SPATA17: variants seen among roughly 807,000 people sequenced by gnomAD.
SPATA17 encodes spermatogenesis associated 17.
SPATA17 carries 53 observed loss-of-function variants against 62.2 expected under a neutral mutation model. The observed-to-expected ratio is 0.85, with a 90% CI of 0.68 to 1.07. The LOEUF (loss-of-function observed/expected upper bound fraction) is 1.07. Among genes scored for constraint, SPATA17 ranks in the 50% least tolerant of loss-of-function variants. The pLI is 0.00. For synonymous variants in SPATA17, 146 were observed against 146.8 expected (o/e 0.99, Z 0.04); for missense variants, 466 against 425.5 (o/e 1.10, Z -0.84).
chr1:217,687,649 G>C (rs1309897336), intron 5 of SPATA17, among the ~76,000 whole-genome samples: 1 of 152,156 alleles, frequency 6.6e-6, no homozygotes, highest in African/African-American at 2.4e-5. Flanking sequence ...GCTATACCTA[G>C]GTGTGTAGTA....
chr1:217,802,325 T>A (rs549391489), intron 9 of SPATA17, among the ~76,000 whole-genome samples: 3 of 152,336 alleles, frequency 2.0e-5, no homozygotes, highest in Admixed American at 2.0e-4. Context: ...GTGCAACTCC[T>A]GAGTGTCATA....
intron 5 of SPATA17, among the ~76,000 whole-genome samples, chr1:217,703,135 A>G (rs1180036057): frequency 2.0e-5 from 3 of 149,494 alleles, no homozygotes; most frequent in Non-Finnish European, 4.4e-5. Flanking sequence ...TCAGCCTCCC[A>G]AAGTGCTGGG....
intron 9 of SPATA17, among the ~76,000 whole-genome samples, chr1:217,824,565 A>C (rs921240053): frequency 9.9e-5 from 15 of 151,160 alleles, no homozygotes; most frequent in Admixed American, 3.3e-4. Context: ...GGTTTTCTCT[A>C]TACTGTTATT....
At chr1:217,716,156 T>C (rs982938506) in intron 5 of SPATA17, among the ~76,000 whole-genome samples, 7 of 152,156 alleles carry the variant, frequency 4.6e-5, no homozygotes, top group East Asian at 3.8e-4. Flanking sequence ...CTAAAAAAAA[T>C]TGAGATCACT....
At chr1:217,759,704 T>A (rs4276984) in intron 6 of SPATA17, among the ~76,000 whole-genome samples, 73,969 of 151,996 alleles carry the variant, frequency 0.49, 19,244 homozygotes, top group Non-Finnish European at 0.59. Flanking sequence ...CCACAGGGCA[T>A]GGTTGAAAAT....
intron 1 of SPATA17, 109 bp from the exon 2 acceptor site, chr1:217,648,773 A>G: frequency 3.6e-6 from 2 of 558,812 alleles, no homozygotes; most frequent in Non-Finnish European, 6.1e-6. Context: ...ATGACATTTG[A>G]ATTTATAATT....
At chr1:217,749,985 C>CTCTCTCTCTCTA in intron 6 of SPATA17, among the ~76,000 whole-genome samples, 12 of 12,314 alleles carry the variant, frequency 9.7e-4, no homozygotes, top group Admixed American at 2.9e-3. Flanking sequence ...CTCTCTCTCT[C>CTCTCTCTCTCTA]TATATATATA....
At chr1:217,708,628 A>G (rs1671791096) in intron 5 of SPATA17, among the ~76,000 whole-genome samples, 1 of 152,144 alleles carries the variant, frequency 6.6e-6, no homozygotes. Flanking sequence ...AGATGTATAA[A>G]GAAGAGCTGG....
Position 217,648,932 on chromosome 1 carries a change from A to G in SPATA17, c.119A>G (p.Gln40Arg), listed in dbSNP as rs1304619590. ...GAGAATGATGCAGCAGTTAAAATCC[A>G]AAGCTGGTTTCGAGGATGTCAAGTT... ...KKENDAAVKI[Q>R]SWFRGCQVRA... The change falls in exon 2 of 11, where the codon CAA (glutamine) becomes CGA (arginine). Residue 40 changes from glutamine to arginine, a missense_variant. Transcript: ENST00000366933. The G allele has an allele frequency of 6.2e-7, 1 of 1,610,720 alleles. No homozygotes were observed. The highest frequency in any genetic ancestry group is 1.3e-5 in the African/African-American group (1 of 75,006).
At chr1:217,707,374 G>T (rs1571747030) in intron 5 of SPATA17, among the ~76,000 whole-genome samples, 1 of 152,084 alleles carries the variant, frequency 6.6e-6, no homozygotes, top group South Asian at 2.1e-4. Flanking sequence ...TCTGCAATCA[G>T]GGATAGTTTG....
At chr1:217,782,994 C>T (rs969201391) in intron 8 of SPATA17, among the ~76,000 whole-genome samples, 5 of 151,310 alleles carry the variant, frequency 3.3e-5, no homozygotes, top group African/African-American at 9.7e-5. Context: ...TAATGTCTCA[C>T]AATTATCTTT....
chr1:217,676,715 G>A (rs1670953911), intron 4 of SPATA17, among the ~76,000 whole-genome samples: 2 of 152,068 alleles, frequency 1.3e-5, no homozygotes, highest in Non-Finnish European at 2.9e-5. Flanking sequence ...GTCTGCCCTA[G>A]AACAACTGGA....
intron 9 of SPATA17, among the ~76,000 whole-genome samples, chr1:217,849,625 C>T (rs892834223): frequency 4.6e-5 from 7 of 152,030 alleles, no homozygotes; most frequent in Admixed American, 4.6e-4. Flanking sequence ...CTGTTCTCAC[C>T]GTTCAGTATG....
intron 6 of SPATA17, among the ~76,000 whole-genome samples, chr1:217,774,089 C>T (rs1673527277): frequency 1.3e-5 from 2 of 152,150 alleles, no homozygotes; most frequent in Admixed American, 6.5e-5. Flanking sequence ...AACTTGAGCT[C>T]ACTAGTTTTT....
At chr1:217,856,140 A>G (rs1378672549) in intron 9 of SPATA17, among the ~76,000 whole-genome samples, 1 of 152,226 alleles carries the variant, frequency 6.6e-6, no homozygotes, top group East Asian at 1.9e-4. Flanking sequence ...AAAAGCAGGA[A>G]TGTGTATACT....
At chr1:217,786,563 T>C (rs1434712433) in intron 8 of SPATA17, among the ~76,000 whole-genome samples, 1 of 152,130 alleles carries the variant, frequency 6.6e-6, no homozygotes, top group East Asian at 1.9e-4. Context: ...GTTTATCCTA[T>C]AGGTAATGGA....
chr1:217,636,110 C>T (rs538877709), intron 1 of SPATA17, among the ~76,000 whole-genome samples: 2 of 112,654 alleles, frequency 1.8e-5, no homozygotes, highest in East Asian at 2.4e-4. Context: ...TCCAGCCTGG[C>T]GACAGAATGA....
At chr1:217,832,843 C>T (rs373681644) in intron 9 of SPATA17, among the ~76,000 whole-genome samples, 9 of 151,588 alleles carry the variant, frequency 5.9e-5, no homozygotes, top group African/African-American at 9.7e-5. Context: ...CTTGAGAGGC[C>T]GACATGGGAG....
intron 5 of SPATA17, among the ~76,000 whole-genome samples, chr1:217,696,287 C>A (rs1484005557): frequency 6.6e-6 from 1 of 152,186 alleles, no homozygotes; most frequent in Non-Finnish European, 1.5e-5. Context: ...TTCTTTGACT[C>A]CGAAAGGGAA....
Sources: gnomAD v4.1 joint callset for allele counts (sites outside exome capture counted in the v4.1 genomes callset) on GRCh38, gnomAD v4.1.1 for gene constraint, MANE v1.5 for transcripts, NCBI Gene and HGNC (gene_info 2026-07-23, HGNC 2026-07-21) for gene names.